ZNF730: variants seen among roughly 807,000 people sequenced by gnomAD.
The protein encoded by ZNF730 is putative zinc finger protein 730.
A neutral mutation model predicts 12.6 loss-of-function variants in ZNF730; 12 were observed. That is an observed-to-expected ratio of 0.95 (90% confidence interval 0.61 to 1.54). The LOEUF is 1.54. ZNF730 is among the 40% of genes most tolerant of loss of function. The pLI is 0.00. For synonymous variants in ZNF730, 194 were observed against 195.8 expected, an observed-to-expected ratio of 0.99 and a Z score of 0.08; for missense variants, 643 against 583.5, an observed-to-expected ratio of 1.10 and a Z score of -1.05.
chr19:23,107,673 G>C (rs372961997), intron 1 of ZNF730, among the ~76,000 whole-genome samples: 1 of 152,028 alleles, frequency 6.6e-6, no homozygotes, highest in Non-Finnish European at 1.5e-5. Context: ...GTATATTTCT[G>C]TATGAATGTT....
At chr19:23,106,392 A>G (rs1970392889) in intron 1 of ZNF730, among the ~76,000 whole-genome samples, 1 of 152,160 alleles carries the variant, frequency 6.6e-6, no homozygotes, top group Non-Finnish European at 1.5e-5. Flanking sequence ...GCAAAACAAC[A>G]CAAAACAAAA....
chr19:23,099,078 C>T (rs939992892), intron 1 of ZNF730, among the ~76,000 whole-genome samples: 4 of 152,056 alleles, frequency 2.6e-5, no homozygotes, highest in African/African-American at 9.7e-5. Flanking sequence ...TTTAGAATTA[C>T]CACTATCACA....
chr19:23,138,282 C>CAAA (rs1315758966), intron 3 of ZNF730, among the ~76,000 whole-genome samples: 2 of 9,450 alleles, frequency 2.1e-4, no homozygotes, highest in African/African-American at 5.2e-4. Context: ...GACTCCGTCT[C>CAAA]AAAAAAAAAA....
chr19:23,119,390 T>C (rs1172028120), intron 1 of ZNF730, among the ~76,000 whole-genome samples: 1 of 152,240 alleles, frequency 6.6e-6, no homozygotes, highest in Non-Finnish European at 1.5e-5. Context: ...ACCTACTTGA[T>C]CATAGTGGAT....
At position 23,084,914 on chromosome 19, in the gene ZNF730, C is replaced by T. The variant is rs1017054049; in HGVS notation, c.-94+9527C>T. Among the ~76,000 whole-genome samples, 5 of 152,154 alleles carry T rather than the reference C, an allele frequency of 3.3e-5. No homozygotes were observed. The East Asian group carries it at 9.6e-4, about 29-fold the overall frequency. On this transcript the variant is annotated intron_variant, in intron 1 of 2. Coordinates refer to the ZNF730 transcript ENST00000593635. ...GTCTTTGCTATGGTGAATAGTGCTGCAGTGAACATACACGTGAATGTGTGT... is the reference window on the plus strand; with the variant it reads ...GTCTTTGCTATGGTGAATAGTGCTGTAGTGAACATACACGTGAATGTGTGT...
In ZNF730 at chr19:23,146,094, C is replaced by T. The variant is rs189866741; in HGVS notation, c.1050C>T (p.Asn350=). 1,252 of 1,612,028 alleles carry T rather than the reference C, an allele frequency of 7.8e-4. 2 individuals carry two copies. The highest frequency in any genetic ancestry group is 3.9e-3 in the Admixed American group (233 of 59,872). Residue 350 remains asparagine (N), a synonymous_variant, in exon 4 of 4, where the codon AAC becomes AAT. Coordinates refer to ENST00000597761, the MANE Select transcript of ZNF730 (RefSeq NM_001277403.2). ...YKCEECGKAF[N]RSSTLNRHKI... is the part of the protein sequence containing the mutation. ...GTGAAGAATGTGGCAAAGCTTTTAA[C>T]CGATCCTCAACCCTTAATAGACATA...
At chr19:23,106,511 G>T (rs1970394012) in intron 1 of ZNF730, among the ~76,000 whole-genome samples, 1 of 152,130 alleles carries the variant, frequency 6.6e-6, no homozygotes, top group Admixed American at 6.6e-5. Context: ...TTGGAATGAG[G>T]CCAGGCATGG....
intron 1 of ZNF730, among the ~76,000 whole-genome samples, chr19:23,133,449 CGCCT>C (rs986170627): frequency 6.6e-6 from 1 of 152,186 alleles, no homozygotes; most frequent in African/African-American, 2.4e-5. Flanking sequence ...TCAAGCAATT[CGCCT>C]GCCTCAGCCT....
chr19:23,085,836 C>CTTTTTTTTTTTTTTTTTTTTTTTTTTT lies in ZNF730; in HGVS notation c.-94+10450_-94+10476dup, dbSNP rs556123915. On this transcript the variant is annotated intron_variant, in intron 1 of 2. Coordinates refer to the ZNF730 transcript ENST00000593635. ...GACCTATTTCACCCAATTTTTTTTTCTTTTTTTTTTTTTTTTTTTTTTTTT... is the reference window on the plus strand; with the variant it reads ...GACCTATTTCACCCAATTTTTTTTTCTTTTTTTTTTTTTTTTTTTTTTTTTTTTTTTTTTTTTTTTTTTTTTTTTTTT... Among the ~76,000 whole-genome samples, 21 of 54,856 alleles carry CTTTTTTTTTTTTTTTTTTTTTTTTTTT rather than the reference C, an allele frequency of 3.8e-4. 5 individuals carry two copies. Among genetic ancestry groups the CTTTTTTTTTTTTTTTTTTTTTTTTTTT allele is most frequent in the South Asian group, 1.7e-3 (2 of 1,200 alleles). The allele number at this position is 54,856 out of a possible 152,430, so 36.0% of individuals were successfully genotyped here.
In ZNF730 at chr19:23,146,305, G is replaced by C; in HGVS notation, c.1261G>C (p.Glu421Gln). ...LTTHKRIHTG[E>Q]KPYKCEECGR... ...TACACATAAGAGAATTCATACTGGA[G>C]AGAAACCCTACAAATGTGAAGAATG... Residue 421 changes from glutamate (E) to glutamine (Q), a missense_variant, in exon 4 of 4, where the codon GAG (glutamate) becomes CAG (glutamine). By Grantham distance (29) the Glu-to-Gln change is conservative. Transcript: ENST00000597761. The C allele has an allele frequency of 6.2e-7, 1 of 1,613,540 alleles. No individual in the cohort carries two copies. Among genetic ancestry groups the C allele is most frequent in the Non-Finnish European group, 8.5e-7 (1 of 1,179,722 alleles).
chr19:23,121,266 A>T (rs1970594727), intron 1 of ZNF730, among the ~76,000 whole-genome samples: 1 of 152,046 alleles, frequency 6.6e-6, no homozygotes, highest in Non-Finnish European at 1.5e-5. Context: ...TGCCTCAGTG[A>T]TCTGTCTAAT....
chr19:23,088,331 T>C (rs1970100635), intron 1 of ZNF730, among the ~76,000 whole-genome samples: 2 of 152,132 alleles, frequency 1.3e-5, no homozygotes. Context: ...GTTTTAGTTT[T>C]CAACGAGAAT....
chr19:23,128,176 G>C (rs1656529770), intron 1 of ZNF730: 1 of 851,974 alleles, frequency 1.2e-6, no homozygotes. Context: ...AGTAGATGGA[G>C]GCTTGTCTAT....
intron 1 of ZNF730, among the ~76,000 whole-genome samples, chr19:23,122,806 ATTG>A (rs1032743397): frequency 2.6e-4 from 39 of 152,328 alleles, no homozygotes; most frequent in African/African-American, 9.4e-4. Flanking sequence ...TCATTTTAAT[ATTG>A]TTATTTATAC....
intron 1 of ZNF730, among the ~76,000 whole-genome samples, chr19:23,085,454 TC>T (rs1431233964): frequency 7.1e-6 from 1 of 141,546 alleles, no homozygotes; most frequent in Non-Finnish European, 1.5e-5. Flanking sequence ...CTCCTCAGCC[TC>T]CCAAAGTGCT....
rs1186582400 is a variant in ZNF730 at position 23,075,844 on chromosome 19, C to G, written c.-94+457C>G. ...AGCTCCGTCTCCCAGGGTCAAGCCT[C>G]CCAAAGTGCCGGGATTACAGGGTTG... On this transcript the variant is annotated intron_variant, in intron 1 of 2. Coordinates refer to the ZNF730 transcript ENST00000593635. Among the ~76,000 whole-genome samples, 3 of 152,130 alleles carry G rather than the reference C, an allele frequency of 2.0e-5. No individual in the cohort carries two copies. In the East Asian group the frequency reaches 5.8e-4, roughly 29 times the overall value.
At chr19:23,134,307 TTTTTC>T (rs1970790331) in intron 2 of ZNF730, 101 bp downstream of exon 2, 7 of 1,071,296 alleles carry the variant, frequency 6.5e-6, no homozygotes, top group Non-Finnish European at 9.1e-6. Flanking sequence ...TTTCTTTTTC[TTTTTC>T]TTTTTTTTTT....
intron 1 of ZNF730, among the ~76,000 whole-genome samples, chr19:23,097,083 T>C (rs992284424): frequency 2.6e-5 from 4 of 152,172 alleles, no homozygotes. Flanking sequence ...CATTGACATA[T>C]CTCTGCATCC....
At chr19:23,111,196 A>G (rs866768597) in intron 1 of ZNF730, among the ~76,000 whole-genome samples, 3 of 152,002 alleles carry the variant, frequency 2.0e-5, no homozygotes, top group African/African-American at 7.3e-5. Context: ...GTTAAGACCA[A>G]TTTTTTTTGT....
Sources: gnomAD v4.1 joint callset for allele counts (sites outside exome capture counted in the v4.1 genomes callset) on GRCh38, gnomAD v4.1.1 for gene constraint, MANE v1.5 for transcripts, NCBI Gene and HGNC (gene_info 2026-07-23, HGNC 2026-07-21) for gene names.